Variants in MORC4 observed in about 807,000 individuals in gnomAD.
MORC4 encodes MORC family CW-type zinc finger 4.
In MORC4, 22 loss-of-function variants were observed where a neutral mutation model predicts 65.5. The observed-to-expected ratio is 0.34, with a 90% CI of 0.24 to 0.48. The LOEUF is 0.48. Ranked by LOEUF, MORC4 falls within the 20% of genes least tolerant of loss-of-function variation. The pLI is 0.99. For synonymous variants in MORC4, 267 were observed against 255.8 expected, an observed-to-expected ratio of 1.04 and a Z score of -0.42; for missense variants, 624 against 703.0, an observed-to-expected ratio of 0.89 and a Z score of 1.27.
intron 10 of MORC4, among the ~76,000 whole-genome samples, chrX:106,961,661 T>C (rs1465470856): frequency 9.0e-6 from 1 of 110,715 alleles, no homozygotes; most frequent in Non-Finnish European, 1.9e-5. Context: ...ACAGAGAGGA[T>C]TGAAAAAAGG....
chrX:106,963,825 AACTT>A (rs754966836), intron 9 of MORC4, among the ~76,000 whole-genome samples: 18 of 110,934 alleles, frequency 1.6e-4, no homozygotes, highest in African/African-American at 4.9e-4. Context: ...AAAGACTTTA[AACTT>A]ACTTCTCAGG....
intron 2 of MORC4, among the ~76,000 whole-genome samples, chrX:106,995,072 T>C (rs1935050520): frequency 8.9e-6 from 1 of 111,761 alleles, no homozygotes; most frequent in South Asian, 3.8e-4. Context: ...CCTACAGTGC[T>C]ATAAAACATT....
At chrX:106,984,517 G>A (rs1428596465) in intron 5 of MORC4, among the ~76,000 whole-genome samples, 1 of 85,969 alleles carries the variant, frequency 1.2e-5, no homozygotes, top group African/African-American at 4.8e-5. Flanking sequence ...TCACCAGGCT[G>A]GAGTGCAGAG....
At chrX:106,972,270 GA>G (rs1934534342) in intron 9 of MORC4, among the ~76,000 whole-genome samples, 1 of 110,513 alleles carries the variant, frequency 9.0e-6, no homozygotes, top group East Asian at 2.9e-4. Flanking sequence ...TGAACAATGA[GA>G]ACACATGGAC....
At position 106,947,605 on chromosome X, in the gene MORC4, T is replaced by A. The variant is rs767181032; in HGVS notation, c.1686-4400A>T. On this transcript the variant is annotated intron_variant, in intron 14 of 16. Transcript: ENST00000355610. ...TATATATATATAATATATATATATA[T>A]AAAACACACTTTAGATGCAAAGATA... Among the ~76,000 whole-genome samples the A allele has an allele frequency of 4.7e-3, 439 of 93,982 alleles. 4 individuals are homozygous for A. The highest frequency in any genetic ancestry group is 5.9e-3 in the Non-Finnish European group (286 of 48,533). 81.6% of individuals were successfully genotyped at this position (93,982 alleles called of 115,157 possible). A position where few individuals can be genotyped will look rare whatever the true frequency, so the allele number is the denominator to read the frequency against.
intron 14 of MORC4, among the ~76,000 whole-genome samples, chrX:106,950,413 CTCTT>C (rs759726403): frequency 8.0e-5 from 9 of 112,092 alleles, no homozygotes; most frequent in Admixed American, 5.7e-4. Context: ...GCCTGCCTCT[CTCTT>C]TAAGCAGAAT....
chrX:106,954,213 G>C (rs933134968), intron 14 of MORC4, among the ~76,000 whole-genome samples: 2 of 112,540 alleles, frequency 1.8e-5, no homozygotes, highest in African/African-American at 6.5e-5. Context: ...GTGAGAAGCA[G>C]AATAGAGAAG....
chrX:106,993,315 C>T lies in MORC4; in HGVS notation c.223G>A (p.Val75Ile). The T allele has an allele frequency of 8.3e-7, 1 of 1,210,382 alleles. No individual in the cohort carries two copies. The highest frequency in any genetic ancestry group is 1.1e-6 in the Non-Finnish European group (1 of 894,093). ...CAAGATTTATTCTTGACCTCCTCAA[C>T]ATCTATAAAGACCGTCCTGGCAGAT... is the stretch of plus-strand genomic sequence containing the variant. ...DVSARTVFID[V>I]EEVKNKSCLT... The change falls in exon 3 of 17, where the codon GTT (valine) becomes ATT (isoleucine). Residue 75 changes from valine (V) to isoleucine (I), a missense_variant. Coordinates refer to ENST00000355610, the MANE Select transcript of MORC4 (RefSeq NM_024657.5).
chrX:106,974,316 G>A (rs1934580011), intron 9 of MORC4, among the ~76,000 whole-genome samples: 1 of 111,356 alleles, frequency 9.0e-6, no homozygotes, highest in Admixed American at 9.5e-5. Flanking sequence ...CTGCTGCTCT[G>A]GGGTATGGCT....
intron 2 of MORC4, among the ~76,000 whole-genome samples, chrX:106,994,497 A>AT (rs1218546403): frequency 1.8e-5 from 2 of 112,016 alleles, no homozygotes; most frequent in African/African-American, 6.5e-5. Context: ...AAATTATATC[A>AT]TTTTTTCCCA....
intron 7 of MORC4, among the ~76,000 whole-genome samples, chrX:106,978,485 T>C (rs894302667): frequency 2.7e-5 from 3 of 111,061 alleles, no homozygotes; most frequent in African/African-American, 9.8e-5. Flanking sequence ...ACAGAAATAA[T>C]TTAAATGTTC....
At position 106,941,369 on chromosome X, in the gene MORC4, G is replaced by T; in HGVS notation, c.*110C>A. ...TCTCTATATAAGGCATAAAGGTGAG[G>T]GTGAGAGAGAGAGAGAGAGAGAGAG... On this transcript the variant is annotated 3_prime_UTR_variant, in exon 17 of 17. Transcript: ENST00000355610. 2.4e-6 allele frequency: 1 copy of T among 421,615 alleles called. No individual in the cohort carries two copies. The highest frequency in any genetic ancestry group is 3.6e-6 in the Non-Finnish European group (1 of 274,075). The allele number at this position is 421,615 out of a possible 1,213,427, so 34.7% of individuals were successfully genotyped here. A position where few individuals can be genotyped will look rare whatever the true frequency, so the allele number is the denominator to read the frequency against.
rs1306731931 is a variant in MORC4, at chrX:106,941,434, GAACA to G, written c.*41_*44del. On this transcript the variant is annotated 3_prime_UTR_variant, in exon 17 of 17. Coordinates refer to ENST00000355610, the MANE Select transcript of MORC4 (RefSeq NM_024657.5). The stretch of plus-strand genomic sequence containing the variant: ...AGACGTGAGGGAGGGAGAGAAAAGA[GAACA>G]GACAGAAGATAAGAGAAGAGAAGGG... 9.5e-7 allele frequency: 1 copy of G among 1,054,760 alleles called. No homozygotes were observed. Among genetic ancestry groups the G allele is most frequent in the Non-Finnish European group, 1.3e-6 (1 of 779,358 alleles). 86.9% of individuals were successfully genotyped at this position (1,054,760 alleles called of 1,213,427 possible).
chrX:106,960,213 T>C (rs997980192), intron 10 of MORC4, among the ~76,000 whole-genome samples: 1 of 112,303 alleles, frequency 8.9e-6, no homozygotes, highest in Non-Finnish European at 1.9e-5. Context: ...TGCATATGCA[T>C]AGGAGAGTCT....
rs1935153288 is a variant in MORC4, at chrX:107,000,001, C to A, written c.-32G>T. The stretch of plus-strand genomic sequence containing the variant: ...GGCCGCCACGGTACCCGTCTGCTGC[C>A]GCCGGACCCCTGGCCCGGCGGTCCG... On this transcript the variant is annotated 5_prime_UTR_variant, in exon 1 of 17. Coordinates refer to ENST00000355610, the MANE Select transcript of MORC4 (RefSeq NM_024657.5). The A allele has an allele frequency of 1.4e-6, 1 of 699,464 alleles. No individual in the cohort carries two copies. Among genetic ancestry groups the A allele is most frequent in the South Asian group, 6.0e-5 (1 of 16,575 alleles). The allele number at this position is 699,464 out of a possible 1,213,427, so 57.6% of individuals were successfully genotyped here.
rs1019668874 is a variant in MORC4, at chrX:106,956,855, CT to C, written c.1454+80del. Reference sequence around the variant, plus strand: ...TATTTAAGAACCAAAAAAATTCTCTCTTCTCAAAACTCCCGTCCTGTAAGGA... The same window carrying C: ...TATTTAAGAACCAAAAAAATTCTCTCTCTCAAAACTCCCGTCCTGTAAGGA... On this transcript the variant is annotated intron_variant, in intron 12 of 16. Coordinates refer to ENST00000355610, the MANE Select transcript of MORC4 (RefSeq NM_024657.5). 122 of 763,307 alleles carry C rather than the reference CT, an allele frequency of 1.6e-4. 1 individual carries two copies. Among genetic ancestry groups the C allele is most frequent in the Admixed American group, 1.1e-3 (39 of 35,298 alleles). The allele number at this position is 763,307 out of a possible 1,213,427, so 62.9% of individuals were successfully genotyped here. A position where few individuals can be genotyped will look rare whatever the true frequency, so the allele number is the denominator to read the frequency against.
At chrX:106,967,078 C>T (rs1205828616) in intron 9 of MORC4, among the ~76,000 whole-genome samples, 1 of 111,376 alleles carries the variant, frequency 9.0e-6, no homozygotes, top group Non-Finnish European at 1.9e-5. Context: ...CTCATACAGG[C>T]AGGTGCCCCT....
intron 6 of MORC4, 89 bp from the exon 7 acceptor site, chrX:106,981,108 C>T: frequency 9.3e-7 from 1 of 1,072,890 alleles, no homozygotes; most frequent in Non-Finnish European, 1.3e-6. Flanking sequence ...CAACTGATAT[C>T]TATGCTGGGC....
chrX:106,980,785 A>G lies in MORC4; in HGVS notation c.936+106T>C, dbSNP rs1183202605. On this transcript the variant is annotated intron_variant, in intron 7 of 16. Coordinates refer to ENST00000355610, the MANE Select transcript of MORC4 (RefSeq NM_024657.5). Reference sequence around the variant, plus strand: ...TAATAGAATGTGTACTATGACATACACTTTTTAATTTGAAAGGGAAAGTTT... The same window carrying G: ...TAATAGAATGTGTACTATGACATACGCTTTTTAATTTGAAAGGGAAAGTTT... 108 of 745,972 alleles carry G rather than the reference A, an allele frequency of 1.4e-4. No homozygotes were observed. In the South Asian group the frequency reaches 1.9e-3, roughly 13 times the overall value. 61.5% of individuals were successfully genotyped at this position (745,972 alleles called of 1,213,427 possible).
Sources: allele counts gnomAD v4.1 joint callset (sites outside exome capture counted in the v4.1 genomes callset), GRCh38; gene constraint gnomAD v4.1.1; transcripts MANE v1.5; gene names NCBI Gene and HGNC (gene_info 2026-07-23, HGNC 2026-07-21).